NBEAL2: variants seen among roughly 807,000 people sequenced by gnomAD.
NBEAL2 encodes the protein neurobeachin-like protein 2.
A neutral mutation model predicts 299.8 loss-of-function variants in NBEAL2; 160 were observed. The ratio of observed to expected loss-of-function variants is 0.53; its 90% CI spans 0.47 to 0.61. The LOEUF is 0.61. NBEAL2 is among the 20% of genes least tolerant of loss of function. The probability of loss-of-function intolerance (pLI) is 0.00; values close to 1 mark genes in which losing one functional copy is unlikely to be tolerated. For synonymous variants in NBEAL2, 1,493 were observed against 1,542.3 expected (o/e 0.97, Z 0.75); for missense variants, 3,112 against 3,649.0 (o/e 0.85, Z 3.79).
At chr3:46,994,108 A>C in intron 11 of NBEAL2, 88 bp downstream of exon 11, 1 of 1,339,288 alleles carries the variant, frequency 7.5e-7, no homozygotes, top group East Asian at 2.5e-5. Flanking sequence ...CGGTGGCCAT[A>C]AGCATCCTGC....
chr3:46,996,307 C>A lies in NBEAL2; in HGVS notation c.2188C>A (p.Arg730Ser). 1 of 1,610,126 alleles carries A rather than the reference C, an allele frequency of 6.2e-7. No individual in the cohort carries two copies. Among genetic ancestry groups the A allele is most frequent in the Non-Finnish European group, 8.5e-7 (1 of 1,179,852 alleles). ...CTGCTGTATCGGCTCCGCTGGATAC[C>A]GCACAACGACCACCACCACAGGGCT... ...SSCCIGSAGY[R>S]TTTTTTGLPT... The change falls in exon 16 of 54, where the codon CGC becomes AGC. Residue 730 changes from arginine to serine, a missense_variant. Coordinates refer to ENST00000450053, the MANE Select transcript of NBEAL2 (RefSeq NM_015175.3).
chr3:47,004,969 C>T lies in NBEAL2; in HGVS notation c.6295-3C>T. 1 of 1,604,688 alleles carries T rather than the reference C, an allele frequency of 6.2e-7. No homozygotes were observed. The highest frequency in any genetic ancestry group is 8.5e-7 in the Non-Finnish European group (1 of 1,175,962). ...TGCAGCCCCTGCTCGGGTGGGTGGCCAGTTCCCCTGGGTCCTGCAGGACTA... is the reference window on the plus strand; with the variant it reads ...TGCAGCCCCTGCTCGGGTGGGTGGCTAGTTCCCCTGGGTCCTGCAGGACTA... On this transcript the variant is annotated splice_polypyrimidine_tract_variant and splice_region_variant and intron_variant, in intron 38 of 53. Transcript: ENST00000450053. This position sits in a 1 kb window ranked among gnomAD's most constrained non-coding sequence, Gnocchi z 5.0.
Position 47,006,343 on chromosome 3 carries a change from C to T in NBEAL2, c.7028C>T (p.Pro2343Leu). ...TPCQLLKEPH[P>L]TRLSAEEAAH... ...GCCACTTACCCACAGGAGCCACATC[C>T]AACTCGGCTCTCAGCTGAGGAAGCA... Residue 2343 changes from proline (P) to leucine (L), a missense_variant, in exon 45 of 54, where the codon CCA (proline) becomes CTA (leucine). Transcript: ENST00000450053. 1 of 1,597,742 alleles carries T rather than the reference C, an allele frequency of 6.3e-7. No homozygotes were observed. Among genetic ancestry groups the T allele is most frequent in the Non-Finnish European group, 8.5e-7 (1 of 1,172,456 alleles).
rs945279037 is a variant in NBEAL2 at position 46,989,900 on chromosome 3, C to G, written c.556+307C>G. Reference sequence around the variant, plus strand: ...ACTGTGATCTTAAAACTCTCTGGTCCAATCCCTTTGTCCCCATAGCCTCCA... The same window carrying G: ...ACTGTGATCTTAAAACTCTCTGGTCGAATCCCTTTGTCCCCATAGCCTCCA... On this transcript the variant is annotated intron_variant, in intron 6 of 53. Transcript: ENST00000450053. This position sits in a 1 kb window ranked among gnomAD's most constrained non-coding sequence, Gnocchi z 5.5. Among the ~76,000 whole-genome samples the G allele has an allele frequency of 6.6e-6, 1 of 152,146 alleles. No individual in the cohort carries two copies. The highest frequency in any genetic ancestry group is 2.4e-5 in the African/African-American group (1 of 41,430).
In NBEAL2 at chr3:47,001,489, A is replaced by G; in HGVS notation, c.4644+51A>G. 1 of 1,587,018 alleles carries G rather than the reference A, an allele frequency of 6.3e-7. No individual in the cohort carries two copies. The highest frequency in any genetic ancestry group is 2.3e-5 in the East Asian group (1 of 43,634). ...CCACATGAACACTCATGTTCATGCA[A>G]GCCTGCAGGGATCTGGTCTGGGAGG... is the stretch of plus-strand genomic sequence containing the variant. On this transcript the variant is annotated intron_variant, in intron 29 of 53. Coordinates refer to ENST00000450053, the MANE Select transcript of NBEAL2 (RefSeq NM_015175.3). The surrounding 1 kb of genome is among the most constrained non-coding windows in gnomAD (Gnocchi z 6.1).
rs1476667235 is a variant in NBEAL2 at position 47,003,007 on chromosome 3, G to A, written c.5510G>A (p.Arg1837His). The change falls in exon 34 of 54, where the codon CGC becomes CAC. Residue 1837 changes from arginine (R) to histidine (H), a missense_variant. Physicochemically the swap from Arg to His is conservative, Grantham distance 29 (BLOSUM62 0). Transcript: ENST00000450053. The surrounding 1 kb of genome is among the most constrained non-coding windows in gnomAD (Gnocchi z 7.0). ...WKLSSAETYS[R>H]MRLKLVPNHH... Reference sequence around the variant, plus strand: ...CTGTCCAGCGCCGAGACATATTCACGCATGCGTCTGAAGCTGGTGCCCAAC... The same window carrying A: ...CTGTCCAGCGCCGAGACATATTCACACATGCGTCTGAAGCTGGTGCCCAAC... 18 of 1,613,406 alleles carry A rather than the reference G, an allele frequency of 1.1e-5. No individual in the cohort carries two copies. The highest frequency in any genetic ancestry group is 4.5e-5 in the East Asian group (2 of 44,878).
chr3:47,003,783 G>T lies in NBEAL2; in HGVS notation c.5721-33G>T, dbSNP rs781432346. On this transcript the variant is annotated intron_variant, in intron 35 of 53. Transcript: ENST00000450053. The surrounding 1 kb of genome is among the most constrained non-coding windows in gnomAD (Gnocchi z 7.0). ...GGCTTGTGAAGAAGGGGGTCCCAGA[G>T]CCTACAGCGTGAGGTGGGTTGCTGG... 1 of 1,552,504 alleles carries T rather than the reference G, an allele frequency of 6.4e-7. No individual in the cohort carries two copies. The highest frequency in any genetic ancestry group is 1.2e-5 in the South Asian group (1 of 82,956).
At position 46,991,139 on chromosome 3, in the gene NBEAL2, C is replaced by T. The variant is rs972530991; in HGVS notation, c.557-80C>T. ...GCTCCCTCTCCCCTCCACCCCAGGG[C>T]ACTCACCTCTTGTGCAGCCCCCTGG... On this transcript the variant is annotated intron_variant, in intron 6 of 53. Coordinates refer to ENST00000450053, the MANE Select transcript of NBEAL2 (RefSeq NM_015175.3). This position sits in a 1 kb window ranked among gnomAD's most constrained non-coding sequence, Gnocchi z 6.2. 8.8e-6 allele frequency: 11 copies of T among 1,256,086 alleles called. No homozygotes were observed. The Middle Eastern group carries it at 9.2e-4, about 105-fold the overall frequency. The allele number at this position is 1,256,086 out of a possible 1,614,324, so 77.8% of individuals were successfully genotyped here. A position where few individuals can be genotyped will look rare whatever the true frequency, so the allele number is the denominator to read the frequency against.
At chr3:47,007,436 T>TGCGCA (rs1337370566) in intron 47 of NBEAL2, 86 bp downstream of exon 47, 21 of 1,554,734 alleles carry the variant, frequency 1.4e-5, no homozygotes, top group Non-Finnish European at 1.7e-5. Context: ...GTAGGCCAGC[T>TGCGCA]GCAGGGGAAA....
At chr3:47,007,391 C>T in intron 47 of NBEAL2, 41 bp downstream of exon 47, 4 of 1,566,422 alleles carry the variant, frequency 2.6e-6, no homozygotes, top group Non-Finnish European at 3.5e-6. Context: ...TACAAATGCC[C>T]TGCACCCGGA....
rs2035831151 is a variant in NBEAL2 at position 46,988,449 on chromosome 3, A to C, written c.52-220A>C. 6.6e-6 allele frequency among the ~76,000 whole-genome samples: 1 copy of C among 152,148 alleles called. No individual in the cohort carries two copies. Among genetic ancestry groups the C allele is most frequent in the Non-Finnish European group, 1.5e-5 (1 of 67,990 alleles). On this transcript the variant is annotated intron_variant, in intron 1 of 53. Transcript: ENST00000450053. This position sits in a 1 kb window ranked among gnomAD's most constrained non-coding sequence, Gnocchi z 4.4. ...CAGTGGGGTGCCTGGAAAAGTGGTCAGTATGTACCTAACTCTCTGATGCTG... is the reference window on the plus strand; with the variant it reads ...CAGTGGGGTGCCTGGAAAAGTGGTCCGTATGTACCTAACTCTCTGATGCTG...
chr3:47,007,636 C>T lies in NBEAL2; in HGVS notation c.7446C>T (p.Gly2482=), dbSNP rs1180707087. Residue 2482 remains glycine, a synonymous_variant, in exon 48 of 54, where the codon GGC becomes GGT. Coordinates refer to ENST00000450053, the MANE Select transcript of NBEAL2 (RefSeq NM_015175.3). Reference sequence around the variant, plus strand: ...TATTCAGCGGTGGCCACTGGGATGGCAGCCTGCGGGTGACTGCACTACCCC... The same window carrying T: ...TATTCAGCGGTGGCCACTGGGATGGTAGCCTGCGGGTGACTGCACTACCCC... ...KLLFSGGHWD[G]SLRVTALPRG... is the part of the protein sequence containing the mutation. 5 of 1,610,964 alleles carry T rather than the reference C, an allele frequency of 3.1e-6. No individual in the cohort carries two copies. The highest frequency in any genetic ancestry group is 4.2e-6 in the Non-Finnish European group (5 of 1,179,070).
Position 46,989,726 on chromosome 3 carries a change from G to A in NBEAL2, c.556+133G>A. 1.2e-6 allele frequency: 1 copy of A among 831,196 alleles called. No individual in the cohort carries two copies. Among genetic ancestry groups the A allele is most frequent in the Non-Finnish European group, 2.0e-6 (1 of 505,614 alleles). The allele number at this position is 831,196 out of a possible 1,614,324, so 51.5% of individuals were successfully genotyped here. A position where few individuals can be genotyped will look rare whatever the true frequency, so the allele number is the denominator to read the frequency against. On this transcript the variant is annotated intron_variant, in intron 6 of 53. Coordinates refer to ENST00000450053, the MANE Select transcript of NBEAL2 (RefSeq NM_015175.3). The surrounding 1 kb of genome is among the most constrained non-coding windows in gnomAD (Gnocchi z 5.5). ...CAGGACTGGGAGAACCAAAGACCAA[G>A]CAAGAGTTTAGGGACAGAGACAAGA...
In NBEAL2 at chr3:46,996,439, G is replaced by A; in HGVS notation, c.2320G>A (p.Ala774Thr). 1 of 1,608,366 alleles carries A rather than the reference G, an allele frequency of 6.2e-7. No homozygotes were observed. The highest frequency in any genetic ancestry group is 8.5e-7 in the Non-Finnish European group (1 of 1,177,698). Residue 774 changes from alanine (A) to threonine (T), a missense_variant, in exon 16 of 54, where the codon GCC (alanine) becomes ACC (threonine). Ala to Thr is a moderately conservative substitution (Grantham distance 58). This residue lies in a region of NBEAL2 where 2,243 missense variants were observed against 2,538.1 expected (regional missense o/e 0.88). Transcript: ENST00000450053. Reference sequence around the variant, plus strand: ...GCTTGGCTGGGGGTCCGGGCTGGTGGCCCCCCTGCAGGAGGGCAGCATCGA... The same window carrying A: ...GCTTGGCTGGGGGTCCGGGCTGGTGACCCCCCTGCAGGAGGGCAGCATCGA... Reference protein sequence around the residue: ...TGLGWGSGLVAPLQEGSIDST... With the variant: ...TGLGWGSGLVTPLQEGSIDST...
chr3:46,998,220 C>T lies in NBEAL2; in HGVS notation c.3112C>T (p.Arg1038Cys), dbSNP rs201062959. Residue 1038 changes from arginine to cysteine, a missense_variant, in exon 21 of 54, where the codon CGC (arginine) becomes TGC (cysteine). Arg to Cys is a radical substitution (Grantham distance 180). This residue lies in a region of NBEAL2 where 2,243 missense variants were observed against 2,538.1 expected (regional missense o/e 0.88). Transcript: ENST00000450053. The part of the protein sequence containing the change: ...HLWTLSDFAV[R>C]LGHIQYMSSI... ...CTGGACCCTCAGTGACTTCGCCGTGCGCCTCGGTAGGTGTGAGGACCTGAG... is the reference window on the plus strand; with the variant it reads ...CTGGACCCTCAGTGACTTCGCCGTGTGCCTCGGTAGGTGTGAGGACCTGAG... The T allele has an allele frequency of 3.2e-5, 52 of 1,608,990 alleles. No individual in the cohort carries two copies. Among genetic ancestry groups the T allele is most frequent in the Middle Eastern group, 1.6e-4 (1 of 6,080 alleles).
At chr3:46,983,336 G>A (rs1225216062) in intron 1 of NBEAL2, among the ~76,000 whole-genome samples, 1 of 135,950 alleles carries the variant, frequency 7.4e-6, no homozygotes, top group African/African-American at 2.8e-5. Flanking sequence ...TTTAGACAGA[G>A]TCTCACTCTG....
chr3:46,980,891 G>A (rs1575575555), intron 1 of NBEAL2, among the ~76,000 whole-genome samples: 1 of 152,208 alleles, frequency 6.6e-6, no homozygotes, highest in Non-Finnish European at 1.5e-5. Flanking sequence ...TGTGCCCTGG[G>A]CACAATGGAC....
chr3:46,999,778 A>G lies in NBEAL2; in HGVS notation c.3789+63A>G. ...GGTGGCTTCTACCCTCTGGCCTTCCACCTTGCCTGTCTCATGAGGGGTCTC... is the reference window on the plus strand; with the variant it reads ...GGTGGCTTCTACCCTCTGGCCTTCCGCCTTGCCTGTCTCATGAGGGGTCTC... On this transcript the variant is annotated intron_variant, in intron 26 of 53. Coordinates refer to ENST00000450053, the MANE Select transcript of NBEAL2 (RefSeq NM_015175.3). 3.1e-6 allele frequency: 5 copies of G among 1,591,264 alleles called. No individual in the cohort carries two copies. In the East Asian group the frequency reaches 1.1e-4, roughly 36 times the overall value.
In NBEAL2 at chr3:46,991,188, G is replaced by C; in HGVS notation, c.557-31G>C. On this transcript the variant is annotated intron_variant, in intron 6 of 53. Transcript: ENST00000450053. This position sits in a 1 kb window ranked among gnomAD's most constrained non-coding sequence, Gnocchi z 6.2. ...GGGTCCATAGCCCTGCAACCTTGGT[G>C]ACATTACCCTGCCCACACCCCCCTA... 3 of 1,565,836 alleles carry C rather than the reference G, an allele frequency of 1.9e-6. No homozygotes were observed. Among genetic ancestry groups the C allele is most frequent in the Non-Finnish European group, 2.6e-6 (3 of 1,148,546 alleles).
Sources: allele counts gnomAD v4.1 joint callset (sites outside exome capture counted in the v4.1 genomes callset), GRCh38; gene constraint gnomAD v4.1.1; regional missense constraint gnomAD v4.1.1; non-coding constraint Gnocchi (gnomAD v3.1); transcripts MANE v1.5; gene names NCBI Gene and HGNC (gene_info 2026-07-23, HGNC 2026-07-21).